The following NARS2 variants were observed in gnomAD, a reference collection of about 807,000 sequenced individuals.
NARS2 encodes the protein asparaginyl-tRNA synthetase 2, mitochondrial.
A neutral mutation model predicts 62.9 loss-of-function variants in NARS2; 60 were observed. The ratio of observed to expected loss-of-function variants is 0.95; its 90% CI spans 0.77 to 1.18. The LOEUF (loss-of-function observed/expected upper bound fraction) is 1.18. Ranked by LOEUF, NARS2 falls within the 50% of genes most tolerant of loss-of-function variation. NARS2 has a pLI of 0.00. For synonymous variants in NARS2, 196 were observed against 200.0 expected (o/e 0.98, Z 0.17); for missense variants, 619 against 576.4 (o/e 1.07, Z -0.76).
intron 9 of NARS2, among the ~76,000 whole-genome samples, chr11:78,471,115 T>C (rs772620565): frequency 3.3e-5 from 5 of 152,138 alleles, no homozygotes; most frequent in African/African-American, 7.2e-5. Flanking sequence ...AATCTAGTAA[T>C]AACAATAGGT....
At chr11:78,471,653 T>C (rs965066260) in intron 9 of NARS2, among the ~76,000 whole-genome samples, 2 of 151,424 alleles carry the variant, frequency 1.3e-5, no homozygotes, top group African/African-American at 4.8e-5. Context: ...CATCTAGCAT[T>C]ACGTACATCT....
chr11:78,469,754 A>G (rs553098574), intron 9 of NARS2, among the ~76,000 whole-genome samples: 3 of 147,288 alleles, frequency 2.0e-5, no homozygotes, highest in East Asian at 2.1e-4. Flanking sequence ...GCGTGCGCGC[A>G]TGTGTGTGTC....
At chr11:78,561,193 T>A (rs1359058109) in intron 4 of NARS2, among the ~76,000 whole-genome samples, 1 of 152,160 alleles carries the variant, frequency 6.6e-6, no homozygotes, top group East Asian at 1.9e-4. Flanking sequence ...GCTTTAAAAC[T>A]GCTAGCAAGG....
At chr11:78,509,066 C>T (rs1860615962) in intron 6 of NARS2, among the ~76,000 whole-genome samples, 1 of 145,046 alleles carries the variant, frequency 6.9e-6, no homozygotes, top group African/African-American at 2.6e-5. Context: ...AGTGAGCCAA[C>T]AGCACTCCAG....
At chr11:78,503,022 G>A (rs185624381) in intron 6 of NARS2, among the ~76,000 whole-genome samples, 7 of 148,024 alleles carry the variant, frequency 4.7e-5, no homozygotes, top group African/African-American at 1.8e-4. Context: ...GTTGAATGAC[G>A]AGATTGTCTA....
intron 11 of NARS2, among the ~76,000 whole-genome samples, chr11:78,464,880 A>C (rs1300939203): frequency 6.6e-6 from 1 of 152,210 alleles, no homozygotes. Flanking sequence ...CCACGTCCCC[A>C]CCAGACTCAG....
At chr11:78,547,683 A>G (rs995458878) in intron 5 of NARS2, among the ~76,000 whole-genome samples, 1 of 152,182 alleles carries the variant, frequency 6.6e-6, no homozygotes, top group African/African-American at 2.4e-5. Flanking sequence ...AAACACAAAA[A>G]TTAGCTGGGT....
intron 5 of NARS2, among the ~76,000 whole-genome samples, chr11:78,544,129 G>A (rs1855754936): frequency 6.6e-6 from 1 of 150,818 alleles, no homozygotes; most frequent in South Asian, 2.1e-4. Context: ...CTAAAATACA[G>A]CATTAGACTT....
intron 5 of NARS2, among the ~76,000 whole-genome samples, chr11:78,545,115 C>T (rs962730250): frequency 6.6e-6 from 1 of 152,096 alleles, no homozygotes; most frequent in African/African-American, 2.4e-5. Context: ...ATAAAATACA[C>T]TGATTATATT....
chr11:78,525,162 T>C (rs1209036714), intron 6 of NARS2, among the ~76,000 whole-genome samples: 3 of 152,118 alleles, frequency 2.0e-5, no homozygotes, highest in Non-Finnish European at 2.9e-5. Flanking sequence ...AGGCAGAGCA[T>C]AGAAAAGTTC....
rs148381261 is a variant in NARS2 at position 78,478,666 on chromosome 11, G to C, written c.840C>G (p.Phe280Leu). 5.8e-5 allele frequency: 93 copies of C among 1,608,806 alleles called. No individual in the cohort carries two copies. The African/African-American group carries it at 1.0e-3, about 18-fold the overall frequency. ...QDLMQVIEEL[F>L]KATTMMVLSK... Reference sequence around the variant, plus strand: ...AGAGAACCATCATTGTTGTAGCCTTGAACAGTTCCTCTATAACCTAAGAGA... The same window carrying C: ...AGAGAACCATCATTGTTGTAGCCTTCAACAGTTCCTCTATAACCTAAGAGA... Residue 280 changes from phenylalanine (F) to leucine (L), a missense_variant, in exon 8 of 14, where the codon TTC (phenylalanine) becomes TTG (leucine). Transcript: ENST00000281038.
chr11:78,497,793 A>C lies in NARS2; in HGVS notation c.690-4598T>G, dbSNP rs898519114. On this transcript the variant is annotated intron_variant, in intron 6 of 13. Coordinates refer to ENST00000281038, the MANE Select transcript of NARS2 (RefSeq NM_024678.6). Reference sequence around the variant, plus strand: ...ATACACTTGGTGGAAAGGGATTATAAAAGAGATGCAGCCTTCACCATTTCA... The same window carrying C: ...ATACACTTGGTGGAAAGGGATTATACAAGAGATGCAGCCTTCACCATTTCA... Among the ~76,000 whole-genome samples the C allele has an allele frequency of 2.6e-5, 4 of 152,138 alleles. No individual in the cohort carries two copies. The East Asian group carries it at 7.7e-4, about 29-fold the overall frequency.
At position 78,440,189 on chromosome 11, in the gene NARS2, A is replaced by G. The variant is rs151234957; in HGVS notation, c.1289+902T>C. On this transcript the variant is annotated intron_variant, in intron 13 of 13. Coordinates refer to ENST00000281038, the MANE Select transcript of NARS2 (RefSeq NM_024678.6). ...AGCAATTCTCCTGCCTCAGCCTCCC[A>G]AATAGCTAGGATTACAGGCACACGC... Among the ~76,000 whole-genome samples the G allele has an allele frequency of 3.7e-3, 558 of 152,158 alleles. 3 individuals carry two copies. The highest frequency in any genetic ancestry group is 5.3e-3 in the Non-Finnish European group (360 of 67,964).
intron 9 of NARS2, among the ~76,000 whole-genome samples, chr11:78,471,318 T>C (rs1224617552): frequency 3.3e-5 from 5 of 152,316 alleles, no homozygotes; most frequent in Middle Eastern, 6.8e-3. Flanking sequence ...GCTAAGATAA[T>C]GACTGAAACA....
intron 5 of NARS2, among the ~76,000 whole-genome samples, chr11:78,544,569 G>C (rs957359381): frequency 1.3e-5 from 2 of 152,130 alleles, no homozygotes; most frequent in African/African-American, 4.8e-5. Context: ...GAGGCAGGCA[G>C]ATCACTTGAG....
In NARS2 at chr11:78,568,695, G is replaced by C. The variant is rs375477311; in HGVS notation, c.309C>G (p.Ser103=). ...CCTTCAGTTCCACATTTTGCCTTTT[G>C]GATGGACTTTTTATCAGCTGCCCTT... is the stretch of plus-strand genomic sequence containing the variant. ...EVQGQLIKSP[S]KRQNVELKAE... The change falls in exon 3 of 14, where the codon TCC becomes TCG. Residue 103 remains serine (S), a synonymous_variant. Coordinates refer to ENST00000281038, the MANE Select transcript of NARS2 (RefSeq NM_024678.6). The C allele has an allele frequency of 2.0e-5, 32 of 1,612,598 alleles. No individual in the cohort carries two copies. The highest frequency in any genetic ancestry group is 4.0e-5 in the African/African-American group (3 of 74,862).
intron 5 of NARS2, among the ~76,000 whole-genome samples, chr11:78,530,309 A>T (rs1476868123): frequency 1.3e-5 from 2 of 152,146 alleles, no homozygotes; most frequent in Non-Finnish European, 2.9e-5. Context: ...TTATTTACTA[A>T]AGAATTGCTT....
intron 5 of NARS2, among the ~76,000 whole-genome samples, chr11:78,551,880 A>C (rs1237210989): frequency 2.0e-5 from 3 of 151,928 alleles, no homozygotes; most frequent in South Asian, 2.1e-4. Flanking sequence ...AACAAAAAAA[A>C]CCCACCAAAA....
chr11:78,463,877 T>C (rs536657444), intron 11 of NARS2, among the ~76,000 whole-genome samples: 4 of 152,184 alleles, frequency 2.6e-5, no homozygotes, highest in Admixed American at 6.5e-5. Context: ...CTATTTCTAT[T>C]TGATAGTCCA....
Sources: allele counts gnomAD v4.1 joint callset (sites outside exome capture counted in the v4.1 genomes callset), GRCh38; gene constraint gnomAD v4.1.1; transcripts MANE v1.5; gene names NCBI Gene and HGNC (gene_info 2026-07-23, HGNC 2026-07-21).